Variants in HMCN1 observed in about 807,000 individuals in gnomAD.
The protein encoded by HMCN1 is hemicentin-1.
A neutral mutation model predicts 625.9 loss-of-function variants in HMCN1; 321 were observed. The observed-to-expected ratio is 0.51, with a 90% CI of 0.47 to 0.56. The LOEUF (loss-of-function observed/expected upper bound fraction) is 0.56, where lower values mean the gene tolerates loss of function less well. Ranked by LOEUF, HMCN1 falls within the 20% of genes least tolerant of loss-of-function variation. The pLI is 0.00. For missense variants in HMCN1, 6,588 were observed against 6,887.3 expected, an observed-to-expected ratio of 0.96 and a Z score of 1.54; for synonymous variants, 2,425 against 2,417.6, an observed-to-expected ratio of 1.00 and a Z score of -0.09.
intron 4 of HMCN1, among the ~76,000 whole-genome samples, chr1:185,881,433 C>T (rs984767295): frequency 2.6e-5 from 4 of 152,186 alleles, no homozygotes; most frequent in Admixed American, 6.5e-5. Flanking sequence ...TGCTCTCTGA[C>T]GTCCAGGCAT....
chr1:186,016,605 C>T (rs2102138790), intron 32 of HMCN1, among the ~76,000 whole-genome samples: 1 of 152,142 alleles, frequency 6.6e-6, no homozygotes, highest in African/African-American at 2.4e-5. Context: ...CCTTGAAACT[C>T]AGTATCTTTA....
At chr1:185,781,228 T>G (rs1220609509) in intron 1 of HMCN1, among the ~76,000 whole-genome samples, 2 of 152,166 alleles carry the variant, frequency 1.3e-5, no homozygotes, top group Non-Finnish European at 2.9e-5. Context: ...ATCTATTTGA[T>G]TCTTCTCTCT....
At chr1:186,125,137 T>C (rs1236565220) in intron 81 of HMCN1, among the ~76,000 whole-genome samples, 2 of 152,184 alleles carry the variant, frequency 1.3e-5, no homozygotes, top group African/African-American at 2.4e-5. Context: ...TATTTTTTTT[T>C]CTACAGCACT....
intron 26 of HMCN1, 152 bp from the exon 27 acceptor site, chr1:186,001,146 T>C (rs994196257): frequency 1.5e-5 from 10 of 665,214 alleles, no homozygotes; most frequent in Non-Finnish European, 2.0e-5. Flanking sequence ...GTCAAAACTT[T>C]TTAATTTTAT....
intron 97 of HMCN1, among the ~76,000 whole-genome samples, chr1:186,158,923 T>C (rs1350377160): frequency 2.6e-5 from 4 of 152,316 alleles, no homozygotes; most frequent in Admixed American, 2.6e-4. Flanking sequence ...ATGCAGGCTC[T>C]TTTTTGGTTC....
At chr1:186,029,540 T>C (rs1655280060) in intron 36 of HMCN1, among the ~76,000 whole-genome samples, 1 of 22,744 alleles carries the variant, frequency 4.4e-5, no homozygotes, top group Non-Finnish European at 7.0e-5. Flanking sequence ...TCTCCTAAAG[T>C]TTTTTTTTTT....
intron 63 of HMCN1, among the ~76,000 whole-genome samples, chr1:186,090,272 T>A (rs144792377): frequency 9.7e-4 from 148 of 152,088 alleles, no homozygotes; most frequent in African/African-American, 3.4e-3. Context: ...CTATCCATTG[T>A]TCAAAATAAA....
At chr1:185,843,338 G>T (rs372170053) in intron 1 of HMCN1, among the ~76,000 whole-genome samples, 2 of 152,160 alleles carry the variant, frequency 1.3e-5, no homozygotes, top group African/African-American at 2.4e-5. Flanking sequence ...AAAGAAAAGG[G>T]GGACAGTGAT....
chr1:186,117,161 CT>C, intron 76 of HMCN1, 46 bp downstream of exon 76: 1 of 1,606,592 alleles, frequency 6.2e-7, no homozygotes, highest in Non-Finnish European at 8.5e-7. Flanking sequence ...AATGCTATCA[CT>C]TCGTTATTCT....
intron 104 of HMCN1, among the ~76,000 whole-genome samples, chr1:186,181,861 C>T (rs761391567): frequency 1.3e-5 from 2 of 151,984 alleles, no homozygotes; most frequent in Non-Finnish European, 2.9e-5. Flanking sequence ...CATTTGTTTC[C>T]TCTGTCATGT....
intron 71 of HMCN1, 30 bp from the exon 72 acceptor site, chr1:186,112,782 A>G: frequency 6.2e-7 from 1 of 1,613,282 alleles, no homozygotes; most frequent in Non-Finnish European, 8.5e-7. Flanking sequence ...TGACATTTTA[A>G]CGGCAAATTT....
rs1658500709 is a variant in HMCN1 at position 185,797,818 on chromosome 1, T to A, written c.269-48208T>A. Among the ~76,000 whole-genome samples, 7 of 140,744 alleles carry A rather than the reference T, an allele frequency of 5.0e-5. No homozygotes were observed. In the South Asian group the frequency reaches 1.5e-3, roughly 31 times the overall value. 92.3% of individuals were successfully genotyped at this position (140,744 alleles called of 152,430 possible). On this transcript the variant is annotated intron_variant, in intron 1 of 106. Coordinates refer to ENST00000271588, the MANE Select transcript of HMCN1 (RefSeq NM_031935.3). ...CGTCTCTACTAAAAATACAAAAAAT[T>A]AGCCGGGCGTAGTGGCGGGCGCCTG...
rs775036108 is a variant in HMCN1, at chr1:186,063,067, CATATATATATATATAT to C, written c.7513+488_7513+503del. 4.1e-3 allele frequency among the ~76,000 whole-genome samples: 244 copies of C among 59,834 alleles called. 13 individuals are homozygous for C. The highest frequency in any genetic ancestry group is 0.023 in the East Asian group (39 of 1,664). The allele number at this position is 59,834 out of a possible 152,430, so 39.3% of individuals were successfully genotyped here. ...GTGTGTGTGTGTGTGTGTGTGTGTG[CATATATATATATATAT>C]ATATATATATATATATATATCACAT... On this transcript the variant is annotated intron_variant, in intron 48 of 106. Coordinates refer to ENST00000271588, the MANE Select transcript of HMCN1 (RefSeq NM_031935.3).
At chr1:185,787,141 A>ATATGTGTG (rs1553239845) in intron 1 of HMCN1, among the ~76,000 whole-genome samples, 1 of 141,254 alleles carries the variant, frequency 7.1e-6, no homozygotes, top group Admixed American at 7.1e-5. Context: ...GCCATGATGT[A>ATATGTGTG]TGTGTGTGTG....
At chr1:186,057,144 T>C in intron 45 of HMCN1, 90 bp from the exon 46 acceptor site, 1 of 1,043,094 alleles carries the variant, frequency 9.6e-7, no homozygotes, top group East Asian at 2.5e-5. Context: ...CTGTTTAGGA[T>C]TTGATGTTTG....
Position 186,190,571 on chromosome 1 carries a change from G to A in HMCN1, c.*693G>A, listed in dbSNP as rs1653663084. ...AAAAGACTGCTTTGCCCTCACGTCAGTTGTACATGGCATGGAACTTTAAAA... is the reference window on the plus strand; with the variant it reads ...AAAAGACTGCTTTGCCCTCACGTCAATTGTACATGGCATGGAACTTTAAAA... On this transcript the variant is annotated 3_prime_UTR_variant, in exon 107 of 107. Coordinates refer to ENST00000271588, the MANE Select transcript of HMCN1 (RefSeq NM_031935.3). 5.0e-6 allele frequency: 1 copy of A among 200,274 alleles called. No individual in the cohort carries two copies. The highest frequency in any genetic ancestry group is 2.3e-5 in the African/African-American group (1 of 43,456). The allele number at this position is 200,274 out of a possible 1,614,324, so 12.4% of individuals were successfully genotyped here.
At chr1:186,098,853 A>T (rs2102432234) in intron 68 of HMCN1, among the ~76,000 whole-genome samples, 1 of 152,316 alleles carries the variant, frequency 6.6e-6, no homozygotes, top group Admixed American at 6.5e-5. Context: ...ATAAAAAAGA[A>T]TGAAATTCTG....
At chr1:186,025,268 A>T (rs7512909) in intron 36 of HMCN1, among the ~76,000 whole-genome samples, 97 of 152,040 alleles carry the variant, frequency 6.4e-4, no homozygotes, top group Non-Finnish European at 9.3e-4. Context: ...GTTCCTAACC[A>T]GCCATCAACT....
intron 86 of HMCN1, among the ~76,000 whole-genome samples, chr1:186,136,178 A>AG (rs1303483027): frequency 6.6e-6 from 1 of 151,960 alleles, no homozygotes; most frequent in Non-Finnish European, 1.5e-5. Context: ...TCTGGCTCAA[A>AG]AAAAAAGAAT....
Sources: gnomAD v4.1 joint callset for allele counts (sites outside exome capture counted in the v4.1 genomes callset) on GRCh38, gnomAD v4.1.1 for gene constraint, MANE v1.5 for transcripts, NCBI Gene and HGNC (gene_info 2026-07-23, HGNC 2026-07-21) for gene names.